CD47: variants seen among roughly 807,000 people sequenced by gnomAD.
CD47 encodes leukocyte surface antigen CD47.
Under a neutral mutation model 44.6 loss-of-function variants are expected in CD47, and 11 were observed. That is an observed-to-expected ratio of 0.25 (90% CI 0.16 to 0.41). The LOEUF is 0.41. CD47 is among the 10% of genes least tolerant of loss of function. The pLI, the probability that CD47 is intolerant of heterozygous loss-of-function variation, is 1.00. For missense variants in CD47, 306 were observed against 386.7 expected (o/e 0.79, Z 1.75); for synonymous variants, 140 against 136.3 (o/e 1.03, Z -0.19).
At chr3:108,081,111 C>T (rs1051927032) in intron 1 of CD47, among the ~76,000 whole-genome samples, 3 of 151,880 alleles carry the variant, frequency 2.0e-5, no homozygotes, top group Admixed American at 1.3e-4. Flanking sequence ...AACCACAAAA[C>T]GGTGAAAAAG....
intron 2 of CD47, among the ~76,000 whole-genome samples, chr3:108,077,119 C>T (rs1046429693): frequency 2.0e-5 from 3 of 152,134 alleles, no homozygotes; most frequent in African/African-American, 7.2e-5. Context: ...AGAATGGTCA[C>T]TATTATCTGC....
Position 108,090,871 on chromosome 3 carries a change from G to T in CD47, c.38C>A (p.Ala13Glu). 2 of 1,493,042 alleles carry T rather than the reference G, an allele frequency of 1.3e-6. No individual in the cohort carries two copies. The highest frequency in any genetic ancestry group is 8.9e-7 in the Non-Finnish European group (1 of 1,127,292). 92.5% of individuals were successfully genotyped at this position (1,493,042 alleles called of 1,614,324 possible). ...AGCGAGGAGCCACTCACCGCAGCACGCCGAGCCCAGCAACAGCGCCGCTAC... is the reference window on the plus strand; with the variant it reads ...AGCGAGGAGCCACTCACCGCAGCACTCCGAGCCCAGCAACAGCGCCGCTAC... The part of the protein sequence containing the change: ...PLVAALLLGS[A>E]CCGSAQLLFN... The change falls in exon 1 of 11, where the codon GCG becomes GAG. Residue 13 changes from alanine (A) to glutamate (E), a missense_variant. Transcript: ENST00000361309.
At chr3:108,063,490 T>C (rs566978936) in intron 3 of CD47, among the ~76,000 whole-genome samples, 1 of 152,190 alleles carries the variant, frequency 6.6e-6, no homozygotes, top group Non-Finnish European at 1.5e-5. Flanking sequence ...AGCCCAGTCG[T>C]CAAATTTCTC....
At chr3:108,079,020 T>A (rs558342236) in intron 2 of CD47, among the ~76,000 whole-genome samples, 1 of 152,146 alleles carries the variant, frequency 6.6e-6, no homozygotes, top group Non-Finnish European at 1.5e-5. Flanking sequence ...TGATTCTCAA[T>A]CCTAAGTAAT....
At chr3:108,077,369 G>A (rs927850074) in intron 2 of CD47, among the ~76,000 whole-genome samples, 2 of 151,868 alleles carry the variant, frequency 1.3e-5, no homozygotes, top group African/African-American at 2.4e-5. Flanking sequence ...GTTTTTTTCA[G>A]TTAAAAATGG....
At chr3:108,047,710 C>T (rs2078744338) in intron 10 of CD47, among the ~76,000 whole-genome samples, 1 of 152,096 alleles carries the variant, frequency 6.6e-6, no homozygotes, top group African/African-American at 2.4e-5. Flanking sequence ...TAGGAAGCAC[C>T]CTGAACCTCA....
chr3:108,056,057 A>C (rs1231451192), intron 7 of CD47, among the ~76,000 whole-genome samples: 2 of 152,238 alleles, frequency 1.3e-5, no homozygotes, highest in African/African-American at 4.8e-5. Flanking sequence ...TTGTATGGAT[A>C]CTGCAAATCA....
At chr3:108,062,593 T>C (rs561672836) in intron 3 of CD47, among the ~76,000 whole-genome samples, 17 of 151,864 alleles carry the variant, frequency 1.1e-4, no homozygotes, top group South Asian at 1.0e-3. Context: ...TATAATTTCA[T>C]GGAAAAAGGT....
intron 7 of CD47, chr3:108,054,000 C>G (rs1423308229): frequency 6.6e-6 from 1 of 152,110 alleles, no homozygotes; most frequent in Non-Finnish European, 1.5e-5. Flanking sequence ...AAAAAGAGAA[C>G]TAAACAACTA....
chr3:108,085,467 C>T (rs1469179539), intron 1 of CD47, among the ~76,000 whole-genome samples: 2 of 152,140 alleles, frequency 1.3e-5, no homozygotes, highest in Non-Finnish European at 2.9e-5. Flanking sequence ...TCACCTTTCA[C>T]ATATACAGCA....
At chr3:108,080,409 G>A in intron 1 of CD47, 65 bp from the exon 2 acceptor site, 1 of 799,904 alleles carries the variant, frequency 1.3e-6, no homozygotes, top group Non-Finnish European at 2.0e-6. Flanking sequence ...TCTTAGGCAT[G>A]TTACAAATCC....
chr3:108,050,823 T>C, intron 8 of CD47: 1 of 503,030 alleles, frequency 2.0e-6, no homozygotes, highest in Non-Finnish European at 3.8e-6. Flanking sequence ...ATTCTCTTAA[T>C]ATTATTTTTC....
In CD47 at chr3:108,057,675, C is replaced by CA. The variant is rs1368934414; in HGVS notation, c.785-107dup. On this transcript the variant is annotated intron_variant, in intron 6 of 10. Coordinates refer to ENST00000361309, the MANE Select transcript of CD47 (RefSeq NM_001777.4). The stretch of plus-strand genomic sequence containing the variant: ...GAGAGTTATTCTAACGATCAAAAAA[C>CA]AAAAATTATCCATATATGTTTATTA... The CA allele has an allele frequency of 6.8e-6, 4 of 584,662 alleles. No homozygotes were observed. The African/African-American group carries it at 7.7e-5, about 11-fold the overall frequency. The allele number at this position is 584,662 out of a possible 1,614,324, so 36.2% of individuals were successfully genotyped here.
intron 2 of CD47, 47 bp downstream of exon 2, chr3:108,079,944 G>A (rs765182212): frequency 1.5e-6 from 2 of 1,312,806 alleles, no homozygotes; most frequent in Non-Finnish European, 2.1e-6. Flanking sequence ...AAGAGGATCA[G>A]GTTGCACCAG....
Position 108,066,639 on chromosome 3 carries a change from T to G in CD47, c.490+4454A>C, listed in dbSNP as rs549381393. On this transcript the variant is annotated intron_variant, in intron 3 of 10. Coordinates refer to ENST00000361309, the MANE Select transcript of CD47 (RefSeq NM_001777.4). ...GATAAACCCATGTGACATTTTATAA[T>G]GGATAAATCAAAAGAGGAAACTAGG... Among the ~76,000 whole-genome samples, 143 of 152,240 alleles carry G rather than the reference T, an allele frequency of 9.4e-4. 2 individuals are homozygous for G. Among genetic ancestry groups the G allele is most frequent in the Non-Finnish European group, 1.4e-3 (97 of 68,014 alleles).
At position 108,057,043 on chromosome 3, in the gene CD47, A is replaced by G. The variant is rs2078923806; in HGVS notation, c.877+434T>C. On this transcript the variant is annotated intron_variant, in intron 7 of 10. Transcript: ENST00000361309. Reference sequence around the variant, plus strand: ...ATGTCTGCAAGAAAAAGAGCAAGTGACAAACAAACAGGTCTGTGCAGGACA... The same window carrying G: ...ATGTCTGCAAGAAAAAGAGCAAGTGGCAAACAAACAGGTCTGTGCAGGACA... Among the ~76,000 whole-genome samples, 3 of 152,170 alleles carry G rather than the reference A, an allele frequency of 2.0e-5. No homozygotes were observed. The South Asian group carries it at 6.2e-4, about 31-fold the overall frequency.
At chr3:108,057,243 AC>A (rs2078926983) in intron 7 of CD47, among the ~76,000 whole-genome samples, 1 of 152,112 alleles carries the variant, frequency 6.6e-6, no homozygotes, top group Non-Finnish European at 1.5e-5. Context: ...TATGTCTTCT[AC>A]CCTCTTTAAT....
rs185130867 is a variant in CD47 at position 108,064,972 on chromosome 3, G to T, written c.491-4120C>A. 2.6e-5 allele frequency among the ~76,000 whole-genome samples: 4 copies of T among 152,174 alleles called. No homozygotes were observed. In the East Asian group the frequency reaches 7.7e-4, roughly 29 times the overall value. ...TTAAATTTAAATTACTATTTTTCAA[G>T]TATCTAATACACTTATTTAACACAC... On this transcript the variant is annotated intron_variant, in intron 3 of 10. Coordinates refer to ENST00000361309, the MANE Select transcript of CD47 (RefSeq NM_001777.4).
At chr3:108,049,084 A>G (rs2108218209) in intron 10 of CD47, among the ~76,000 whole-genome samples, 1 of 149,896 alleles carries the variant, frequency 6.7e-6, no homozygotes, top group East Asian at 2.0e-4. Context: ...GCAAAAGCTG[A>G]GGACGAAACA....
Sources: allele counts gnomAD v4.1 joint callset (sites outside exome capture counted in the v4.1 genomes callset), GRCh38; gene constraint gnomAD v4.1.1; transcripts MANE v1.5; gene names NCBI Gene and HGNC (gene_info 2026-07-23, HGNC 2026-07-21).